The following RBM6 variants were observed in gnomAD, a reference collection of about 807,000 sequenced individuals.
The protein encoded by RBM6 is RNA binding motif protein 6.
RBM6 carries 23 observed loss-of-function variants against 140.4 expected under a neutral mutation model. The observed-to-expected ratio is 0.16, with a 90% CI of 0.12 to 0.23. The LOEUF (loss-of-function observed/expected upper bound fraction) is 0.23. Among genes scored for constraint, RBM6 ranks in the 10% least tolerant of loss-of-function variants. RBM6 has a pLI of 1.00. For missense variants in RBM6, 1,139 were observed against 1,386.7 expected (o/e 0.82, Z 2.84); for synonymous variants, 439 against 475.6 (o/e 0.92, Z 1.00).
Position 49,950,752 on chromosome 3 carries a change from CA to C in RBM6, c.-67+10539del, listed in dbSNP as rs374002159. On this transcript the variant is annotated intron_variant, in intron 1 of 20. Transcript: ENST00000266022. ...TCTGGGTGACAGAGGGAGACTGTTT[CA>C]AAAAAAAAAAACAGAAAGAATGAAA... Among the ~76,000 whole-genome samples, 588 of 107,818 alleles carry C rather than the reference CA, an allele frequency of 5.5e-3. 3 individuals are homozygous for C. Among genetic ancestry groups the C allele is most frequent in the African/African-American group, 0.017 (481 of 28,686 alleles). The allele number at this position is 107,818 out of a possible 152,430, so 70.7% of individuals were successfully genotyped here.
chr3:50,011,618 C>G (rs62262145), intron 6 of RBM6, among the ~76,000 whole-genome samples: 10,624 of 152,036 alleles, frequency 0.07, 386 homozygotes, highest in Non-Finnish European at 0.077. Context: ...TTCTTAGAGG[C>G]CTCTTTCAAG....
At chr3:50,074,690 C>T (rs561574628) in intron 19 of RBM6, among the ~76,000 whole-genome samples, 2 of 152,298 alleles carry the variant, frequency 1.3e-5, no homozygotes, top group Admixed American at 1.3e-4. Context: ...TGTTTGAGAC[C>T]TTTCTTGTGA....
chr3:49,999,670 A>G (rs2086236142), intron 6 of RBM6, among the ~76,000 whole-genome samples, 157 bp downstream of exon 6: 1 of 152,202 alleles, frequency 6.6e-6, no homozygotes, highest in Non-Finnish European at 1.5e-5. Flanking sequence ...ATCTTTAAAA[A>G]GGCTGGAAAG....
At chr3:49,976,625 TCA>T (rs2085075485) in intron 5 of RBM6, among the ~76,000 whole-genome samples, 1 of 152,232 alleles carries the variant, frequency 6.6e-6, no homozygotes, top group African/African-American at 2.4e-5. Context: ...GATAATAACC[TCA>T]GTCTGGTTTC....
intron 6 of RBM6, among the ~76,000 whole-genome samples, chr3:50,044,673 G>A (rs752988578): frequency 7.9e-5 from 12 of 152,128 alleles, no homozygotes; most frequent in Non-Finnish European, 1.5e-4. Context: ...ACTTTCCTAG[G>A]AGACACTGAC....
chr3:50,024,797 C>A lies in RBM6; in HGVS notation c.1558-23448C>A, dbSNP rs568957098. On this transcript the variant is annotated intron_variant, in intron 6 of 20. Coordinates refer to ENST00000266022, the MANE Select transcript of RBM6 (RefSeq NM_005777.3). ...TGAAACCCCGTCTCTACTAAAAATA[C>A]AAAAAATTAGCTGGGCGTGGTGACG... Among the ~76,000 whole-genome samples the A allele has an allele frequency of 6.6e-5, 10 of 152,056 alleles. No individual in the cohort carries two copies. In the South Asian group the frequency reaches 2.1e-3, roughly 32 times the overall value.
At chr3:49,962,771 T>C (rs1279934640) in intron 2 of RBM6, 86 bp downstream of exon 2, 2 of 1,291,622 alleles carry the variant, frequency 1.5e-6, no homozygotes, top group Non-Finnish European at 2.1e-6. Context: ...TGAAGATATT[T>C]TCTCTGTGGA....
chr3:49,992,915 G>A (rs1559560882), intron 5 of RBM6, among the ~76,000 whole-genome samples: 1 of 152,136 alleles, frequency 6.6e-6, no homozygotes, highest in Admixed American at 6.5e-5. Flanking sequence ...AAGCAGATTT[G>A]CAAAGGTTCT....
chr3:49,999,334 G>T, intron 5 of RBM6, 106 bp from the exon 6 acceptor site: 2 of 901,962 alleles, frequency 2.2e-6, no homozygotes, highest in Non-Finnish European at 3.7e-6. Context: ...GGGGTTAGTT[G>T]GGAGGGCTTG....
chr3:50,064,173 C>T (rs1371911225), intron 15 of RBM6, among the ~76,000 whole-genome samples: 11 of 152,004 alleles, frequency 7.2e-5, no homozygotes, highest in South Asian at 2.1e-4. Context: ...CCTTGTGATC[C>T]GCCCACCTCA....
intron 15 of RBM6, among the ~76,000 whole-genome samples, 170 bp from the exon 16 acceptor site, chr3:50,064,861 A>G (rs1487841762): frequency 3.9e-5 from 6 of 152,092 alleles, no homozygotes; most frequent in Non-Finnish European, 7.4e-5. Flanking sequence ...TTTAGTAGAG[A>G]TGGAGTTTCA....
At chr3:50,076,272 A>G (rs1273078422) in intron 20 of RBM6, among the ~76,000 whole-genome samples, 2 of 150,944 alleles carry the variant, frequency 1.3e-5, no homozygotes, top group Non-Finnish European at 3.0e-5. Context: ...CCCGGCCAAA[A>G]GATTCTTTAA....
chr3:49,968,770 C>CTTTTTTTTT lies in RBM6; in HGVS notation c.1323+42_1323+50dup, dbSNP rs569224640. On this transcript the variant is annotated intron_variant, in intron 3 of 20. Transcript: ENST00000266022. Reference sequence around the variant, plus strand: ...TCAGGTATGTTGATGGGGTGGATTGCTTTTTTTTTTTTTTTTTTTTTTTTT... The same window carrying CTTTTTTTTT: ...TCAGGTATGTTGATGGGGTGGATTGCTTTTTTTTTTTTTTTTTTTTTTTTTTTTTTTTTT... 4.0e-5 allele frequency: 28 copies of CTTTTTTTTT among 700,112 alleles called. No homozygotes were observed. In the African/African-American group the frequency reaches 6.9e-4, roughly 17 times the overall value. The allele number at this position is 700,112 out of a possible 1,614,324, so 43.4% of individuals were successfully genotyped here.
intron 6 of RBM6, among the ~76,000 whole-genome samples, chr3:50,037,989 T>C (rs1008039926): frequency 1.3e-5 from 2 of 151,812 alleles, no homozygotes; most frequent in African/African-American, 4.8e-5. Context: ...GCCCGGGTAA[T>C]TTTTGTATTT....
rs999086566 is a variant in RBM6 at position 50,058,352 on chromosome 3, T to G, written c.1970-50T>G. ...GTCAGATTCTTGGGACTTCAAAAATTTATCTTTCTCTCCCTTGTGTTGCCC... is the reference window on the plus strand; with the variant it reads ...GTCAGATTCTTGGGACTTCAAAAATGTATCTTTCTCTCCCTTGTGTTGCCC... On this transcript the variant is annotated intron_variant, in intron 9 of 20. Coordinates refer to ENST00000266022, the MANE Select transcript of RBM6 (RefSeq NM_005777.3). 9 of 1,542,012 alleles carry G rather than the reference T, an allele frequency of 5.8e-6. No individual in the cohort carries two copies. The East Asian group carries it at 1.1e-4, about 19-fold the overall frequency.
chr3:49,988,566 G>A (rs753917914), intron 5 of RBM6, among the ~76,000 whole-genome samples: 1 of 152,152 alleles, frequency 6.6e-6, no homozygotes, highest in African/African-American at 2.4e-5. Flanking sequence ...GGTAGAAGGA[G>A]CAGGAAAAAG....
chr3:50,005,971 C>G (rs560101629), intron 6 of RBM6, among the ~76,000 whole-genome samples: 1 of 152,058 alleles, frequency 6.6e-6, no homozygotes, highest in Non-Finnish European at 1.5e-5. Flanking sequence ...TGAAGAGTCT[C>G]GCTCTCAAGA....
At chr3:49,978,902 T>TTA (rs1160317543) in intron 5 of RBM6, among the ~76,000 whole-genome samples, 1 of 152,206 alleles carries the variant, frequency 6.6e-6, no homozygotes, top group Non-Finnish European at 1.5e-5. Context: ...TTATCTTGAA[T>TTA]TATATGATTA....
At chr3:50,032,177 T>C (rs914329943) in intron 6 of RBM6, among the ~76,000 whole-genome samples, 5 of 152,016 alleles carry the variant, frequency 3.3e-5, no homozygotes, top group African/African-American at 4.8e-5. Flanking sequence ...ATTAGGAGAC[T>C]ACTAGTAGTC....
Sources: gnomAD v4.1 joint callset for allele counts (sites outside exome capture counted in the v4.1 genomes callset) on GRCh38, gnomAD v4.1.1 for gene constraint, MANE v1.5 for transcripts, NCBI Gene and HGNC (gene_info 2026-07-23, HGNC 2026-07-21) for gene names.